CNTRL: variants seen among roughly 807,000 people sequenced by gnomAD.
CNTRL encodes centriolin, also known as 110 kDa centrosomal protein.
Under a neutral mutation model 303.7 loss-of-function variants are expected in CNTRL, and 233 were observed. The ratio of observed to expected loss-of-function variants is 0.77; its 90% CI spans 0.69 to 0.86. The LOEUF is 0.86. Ranked by LOEUF, CNTRL falls within the 40% of genes least tolerant of loss-of-function variation. The pLI is 0.00. For missense variants in CNTRL, 2,524 were observed against 2,650.6 expected (o/e 0.95, Z 1.05); for synonymous variants, 900 against 922.2 (o/e 0.98, Z 0.44).
intron 15 of CNTRL, 99 bp downstream of exon 15, chr9:121,136,081 T>A: frequency 9.0e-7 from 1 of 1,113,100 alleles, no homozygotes; most frequent in Non-Finnish European, 1.3e-6. Context: ...AAGCGTTTTT[T>A]CATACAATAT....
chr9:121,084,065 T>C (rs960207124), intron 2 of CNTRL, among the ~76,000 whole-genome samples: 2 of 152,198 alleles, frequency 1.3e-5, no homozygotes, highest in African/African-American at 4.8e-5. Context: ...TAACCTAATA[T>C]CTTATTTCAT....
Position 121,158,126 on chromosome 9 carries a change from C to T in CNTRL, c.4764+17C>T, listed in dbSNP as rs781498056. 1.2e-6 allele frequency: 2 copies of T among 1,609,272 alleles called. No individual in the cohort carries two copies. Among genetic ancestry groups the T allele is most frequent in the African/African-American group, 1.3e-5 (1 of 74,504 alleles). On this transcript the variant is annotated intron_variant, in intron 30 of 43. Transcript: ENST00000373855. ...AAAAGCCAGGTATGGCAATAGACACCTTGAAAAAACAACTGACACAGCACT... is the reference window on the plus strand; with the variant it reads ...AAAAGCCAGGTATGGCAATAGACACTTTGAAAAAACAACTGACACAGCACT...
Position 121,158,082 on chromosome 9 carries a change from A to C in CNTRL, c.4737A>C (p.Arg1579Ser). 1.2e-6 allele frequency: 2 copies of C among 1,614,184 alleles called. No individual in the cohort carries two copies. The highest frequency in any genetic ancestry group is 1.7e-6 in the Non-Finnish European group (2 of 1,180,028). Residue 1579 changes from arginine to serine, a missense_variant, in exon 30 of 44, where the codon AGA becomes AGC. Physicochemically the swap from Arg to Ser is moderately radical, Grantham distance 110 (BLOSUM62 -1). Coordinates refer to ENST00000373855, the MANE Select transcript of CNTRL (RefSeq NM_007018.6). ...CTGAGGTGCTTCTTCAGGCCAAAAG[A>C]GCCGAGCTGGAAAAGCTGAAAAGCC... ...KESEVLLQAK[R>S]AELEKLKSQV...
intron 34 of CNTRL, 29 bp downstream of exon 34, chr9:121,162,300 G>T (rs1207032299): frequency 1.3e-6 from 2 of 1,579,084 alleles, no homozygotes; most frequent in Non-Finnish European, 1.7e-6. Flanking sequence ...AAGCTTGCAG[G>T]ATCACTTCTT....
rs779688773 is a variant in CNTRL, at chr9:121,140,637, A to G, written c.2338-4A>G. 3.1e-6 allele frequency: 5 copies of G among 1,604,680 alleles called. No homozygotes were observed. Among genetic ancestry groups the G allele is most frequent in the South Asian group, 1.1e-5 (1 of 89,740 alleles). ...GATAATCCCTATTTCATCCCCCTCCATAGGATGACAATAATCTGTTAAAAC... is the reference window on the plus strand; with the variant it reads ...GATAATCCCTATTTCATCCCCCTCCGTAGGATGACAATAATCTGTTAAAAC... On this transcript the variant is annotated splice_polypyrimidine_tract_variant and splice_region_variant and intron_variant, in intron 16 of 43. Coordinates refer to ENST00000373855, the MANE Select transcript of CNTRL (RefSeq NM_007018.6).
At chr9:121,148,373 C>T (rs2052004795) in intron 23 of CNTRL, among the ~76,000 whole-genome samples, 1 of 152,206 alleles carries the variant, frequency 6.6e-6, no homozygotes, top group South Asian at 2.1e-4. Context: ...CCTTCACTTT[C>T]ACAGACCAGT....
intron 14 of CNTRL, among the ~76,000 whole-genome samples, chr9:121,129,233 G>A (rs1336244859): frequency 6.6e-6 from 1 of 152,192 alleles, no homozygotes; most frequent in Non-Finnish European, 1.5e-5. Flanking sequence ...ACCTTGGGCA[G>A]TATGGCCATT....
chr9:121,162,350 A>G, intron 34 of CNTRL, 79 bp downstream of exon 34: 1 of 1,235,410 alleles, frequency 8.1e-7, no homozygotes, highest in Admixed American at 1.7e-5. Context: ...AAAATTTGGA[A>G]AATAGAGAAA....
Position 121,150,365 on chromosome 9 carries a change from T to C in CNTRL, c.3845T>C (p.Val1282Ala), listed in dbSNP as rs749578246. 2.5e-6 allele frequency: 4 copies of C among 1,614,070 alleles called. No individual in the cohort carries two copies. The highest frequency in any genetic ancestry group is 3.4e-6 in the Non-Finnish European group (4 of 1,180,032). Residue 1282 changes from valine to alanine, a missense_variant, in exon 25 of 44, where the codon GTT becomes GCT. Coordinates refer to ENST00000373855, the MANE Select transcript of CNTRL (RefSeq NM_007018.6). Reference protein sequence around the residue: ...NSRPLTPGTVVYGPPPAGAPM... With the variant: ...NSRPLTPGTVAYGPPPAGAPM... Reference sequence around the variant, plus strand: ...CGACCTCTCACCCCTGGCACTGTTGTTTATGGCCCACCTCCTGCTGGGGCC... The same window carrying C: ...CGACCTCTCACCCCTGGCACTGTTGCTTATGGCCCACCTCCTGCTGGGGCC...
rs80182743 is a variant in CNTRL at position 121,152,569 on chromosome 9, C to T, written c.4048C>T (p.Arg1350Trp). ...AGAAAGGTGGATGAGAGCATCCAAG[C>T]GGCAGTCGGAGAAAGAAATGGAAGA... ...REERWMRASK[R>W]QSEKEMEELH... The change falls in exon 26 of 44, where the codon CGG becomes TGG. Residue 1350 changes from arginine (R) to tryptophan (W), a missense_variant. By Grantham distance (101) the Arg-to-Trp change is moderately radical. Coordinates refer to ENST00000373855, the MANE Select transcript of CNTRL (RefSeq NM_007018.6). The T allele has an allele frequency of 6.5e-4, 1,052 of 1,613,742 alleles. 6 individuals carry two copies. In the African/African-American group the frequency reaches 0.012, roughly 19 times the overall value.
intron 34 of CNTRL, among the ~76,000 whole-genome samples, chr9:121,164,347 T>C (rs1028229431): frequency 6.6e-6 from 1 of 152,212 alleles, no homozygotes; most frequent in Non-Finnish European, 1.5e-5. Context: ...GTATATATGC[T>C]AATGTTCATG....
Position 121,150,249 on chromosome 9 carries a change from A to T in CNTRL, c.3729A>T (p.Gly1243=), listed in dbSNP as rs771536887. Residue 1243 remains glycine (G), a synonymous_variant, in exon 25 of 44, where the codon GGA becomes GGT. Transcript: ENST00000373855. ...QEEPPFVPPP[G]YMMYTVLPDG... is the part of the protein sequence containing the mutation. ...AACCCCCATTTGTGCCTCCTCCTGG[A>T]TACATGATGTATACTGTGCTTCCTG... is the stretch of plus-strand genomic sequence containing the variant. The T allele has an allele frequency of 6.2e-7, 1 of 1,614,056 alleles. No homozygotes were observed. Among genetic ancestry groups the T allele is most frequent in the African/African-American group, 1.3e-5 (1 of 74,928 alleles).
intron 12 of CNTRL, among the ~76,000 whole-genome samples, chr9:121,121,169 A>T (rs1217629468): frequency 6.6e-6 from 1 of 152,244 alleles, no homozygotes; most frequent in Non-Finnish European, 1.5e-5. Flanking sequence ...TAAAAGCTTC[A>T]CTTTGATGAG....
intron 2 of CNTRL, among the ~76,000 whole-genome samples, chr9:121,084,484 C>CTA (rs1221451360): frequency 6.6e-6 from 1 of 151,676 alleles, no homozygotes; most frequent in Non-Finnish European, 1.5e-5. Context: ...CTACAGTGTG[C>CTA]TATATACTGT....
At chr9:121,139,667 T>C (rs1030552590) in intron 16 of CNTRL, among the ~76,000 whole-genome samples, 1 of 152,214 alleles carries the variant, frequency 6.6e-6, no homozygotes, top group African/African-American at 2.4e-5. Context: ...ATTTTTAGTA[T>C]AGAAATTTGC....
In CNTRL at chr9:121,139,858, G is replaced by T. The variant is rs559321878; in HGVS notation, c.2338-783G>T. On this transcript the variant is annotated intron_variant, in intron 16 of 43. Coordinates refer to ENST00000373855, the MANE Select transcript of CNTRL (RefSeq NM_007018.6). ...TAAGTGTACATCTCTTGCAGAAAAG[G>T]ACTAATATAATATTCTTCAGGGGGC... 1.8e-4 allele frequency among the ~76,000 whole-genome samples: 28 copies of T among 152,212 alleles called. 1 individual carries two copies. The highest frequency in any genetic ancestry group is 6.0e-4 in the African/African-American group (25 of 41,524).
In CNTRL at chr9:121,118,640, G is replaced by A. The variant is rs971193967; in HGVS notation, c.1650+100G>A. 2.0e-5 allele frequency: 20 copies of A among 988,124 alleles called. No homozygotes were observed. The South Asian group carries it at 4.5e-4, about 22-fold the overall frequency. The allele number at this position is 988,124 out of a possible 1,614,324, so 61.2% of individuals were successfully genotyped here. On this transcript the variant is annotated intron_variant, in intron 12 of 43. Coordinates refer to ENST00000373855, the MANE Select transcript of CNTRL (RefSeq NM_007018.6). ...GAGTCCTTTCTGAAAGTCTGTTTTA[G>A]TTTGATGTACAAATTTAAGTGATAT...
At chr9:121,167,828 A>G in intron 37 of CNTRL, 151 bp downstream of exon 37, 1 of 707,106 alleles carries the variant, frequency 1.4e-6, no homozygotes, top group Non-Finnish European at 2.4e-6. Context: ...ATTTATACCA[A>G]CTGTGTGACT....
chr9:121,082,767 C>T (rs556761741), intron 2 of CNTRL, among the ~76,000 whole-genome samples: 1 of 151,998 alleles, frequency 6.6e-6, no homozygotes, highest in Non-Finnish European at 1.5e-5. Context: ...GTCAGGAGTT[C>T]GAGACCAGCC....
Sources: allele counts gnomAD v4.1 joint callset (sites outside exome capture counted in the v4.1 genomes callset), GRCh38; gene constraint gnomAD v4.1.1; transcripts MANE v1.5; gene names NCBI Gene and HGNC (gene_info 2026-07-23, HGNC 2026-07-21).